Variants in PLA2G4E observed in about 807,000 individuals in gnomAD.
PLA2G4E encodes phospholipase A2 group IVE.
In PLA2G4E, 84 loss-of-function variants were observed where a neutral mutation model predicts 109.1. The ratio of observed to expected loss-of-function variants is 0.77; its 90% CI spans 0.65 to 0.92. PLA2G4E has a LOEUF of 0.92. PLA2G4E is among the 40% of genes least tolerant of loss of function. PLA2G4E has a pLI of 0.00. For missense variants in PLA2G4E, 1,057 were observed against 1,076.6 expected (o/e 0.98, Z 0.25); for synonymous variants, 469 against 436.1 (o/e 1.08, Z -0.94).
At chr15:42,033,371 CCA>C (rs1203195064) in intron 1 of PLA2G4E, among the ~76,000 whole-genome samples, 1 of 152,120 alleles carries the variant, frequency 6.6e-6, no homozygotes, top group African/African-American at 2.4e-5. Flanking sequence ...TTTTTCAGTG[CCA>C]CACTGTTGGT....
intron 13 of PLA2G4E, among the ~76,000 whole-genome samples, chr15:41,990,995 G>A (rs559450780): frequency 2.6e-5 from 4 of 152,142 alleles, no homozygotes; most frequent in South Asian, 4.2e-4. Context: ...TACAGAACCT[G>A]TGTGGAATGG....
At chr15:41,984,252 G>A (rs1396576734) in intron 19 of PLA2G4E, among the ~76,000 whole-genome samples, 184 bp downstream of exon 19, 2 of 152,192 alleles carry the variant, frequency 1.3e-5, no homozygotes, top group African/African-American at 4.8e-5. Context: ...AAGAATGGGG[G>A]ATGACACTAC....
rs1369541886 is a variant in PLA2G4E at position 42,041,035 on chromosome 15, G to C, written c.183+9486C>G. Among the ~76,000 whole-genome samples, 6 of 152,348 alleles carry C rather than the reference G, an allele frequency of 3.9e-5. No individual in the cohort carries two copies. The East Asian group carries it at 9.6e-4, about 24-fold the overall frequency. On this transcript the variant is annotated intron_variant, in intron 1 of 19. Transcript: ENST00000399518. ...AAGGATAAAAAATTGATAAGACGTA[G>C]TGTTGGTGAGGGTGTGAGGAAGAGT...
At chr15:42,028,309 A>G (rs1243938767) in intron 1 of PLA2G4E, among the ~76,000 whole-genome samples, 5 of 152,224 alleles carry the variant, frequency 3.3e-5, no homozygotes, top group Admixed American at 1.3e-4. Context: ...TTTAACCACT[A>G]TGATCCCAGG....
At chr15:41,984,119 C>A (rs890159566) in intron 19 of PLA2G4E, 145 bp from the exon 20 acceptor site, 1 of 760,332 alleles carries the variant, frequency 1.3e-6, no homozygotes, top group East Asian at 2.7e-5. Flanking sequence ...CACCCTCACA[C>A]ACGCACCTGC....
chr15:42,030,296 CTG>C (rs1401654717), intron 1 of PLA2G4E, among the ~76,000 whole-genome samples: 1 of 152,194 alleles, frequency 6.6e-6, no homozygotes, highest in Non-Finnish European at 1.5e-5. Flanking sequence ...ACTCTCAGCA[CTG>C]TGTGTGGTTA....
chr15:42,047,985 G>A (rs1254159621), intron 1 of PLA2G4E, among the ~76,000 whole-genome samples: 5 of 152,040 alleles, frequency 3.3e-5, no homozygotes, highest in Admixed American at 1.3e-4. Context: ...CCCCCCTCCC[G>A]GGCATAGATA....
At chr15:42,045,351 ATGGGG>A (rs1889395414) in intron 1 of PLA2G4E, among the ~76,000 whole-genome samples, 1 of 151,248 alleles carries the variant, frequency 6.6e-6, no homozygotes, top group Non-Finnish European at 1.5e-5. Flanking sequence ...AACCGGGAGG[ATGGGG>A]TGGGGTGGGG....
intron 1 of PLA2G4E, among the ~76,000 whole-genome samples, chr15:42,047,904 T>C (rs1595581809): frequency 6.6e-6 from 1 of 152,208 alleles, no homozygotes; most frequent in Non-Finnish European, 1.5e-5. Flanking sequence ...TAGAATATTA[T>C]TTAGCCACTA....
At chr15:41,993,708 A>T (rs1392632313) in intron 12 of PLA2G4E, among the ~76,000 whole-genome samples, 4 of 152,146 alleles carry the variant, frequency 2.6e-5, no homozygotes, top group African/African-American at 7.2e-5. Context: ...CCTCCCTGGC[A>T]GTGCAGCTAG....
intron 1 of PLA2G4E, among the ~76,000 whole-genome samples, chr15:42,017,265 A>G (rs1462211429): frequency 6.6e-6 from 1 of 152,108 alleles, no homozygotes; most frequent in Non-Finnish European, 1.5e-5. Flanking sequence ...TCTGGCAGGG[A>G]AGGCGCAGCC....
chr15:42,007,786 G>A, exon 3 of PLA2G4E: 1 of 1,612,316 alleles, frequency 6.2e-7, no homozygotes, highest in Non-Finnish European at 8.5e-7. Flanking sequence ...GATTTGGGCA[G>A]TTGGAGATGG....
intron 1 of PLA2G4E, among the ~76,000 whole-genome samples, chr15:42,029,906 G>A (rs1889083491): frequency 6.6e-6 from 1 of 152,216 alleles, no homozygotes; most frequent in Non-Finnish European, 1.5e-5. Flanking sequence ...TAAGTTGGAT[G>A]AGGCAGGAAG....
Position 41,990,321 on chromosome 15 carries a change from C to T in PLA2G4E, c.1471-86G>A, listed in dbSNP as rs886338217. 37 of 1,196,084 alleles carry T rather than the reference C, an allele frequency of 3.1e-5. 1 individual carries two copies. The East Asian group carries it at 5.5e-4, about 18-fold the overall frequency. The allele number at this position is 1,196,084 out of a possible 1,614,324, so 74.1% of individuals were successfully genotyped here. A position where few individuals can be genotyped will look rare whatever the true frequency, so the allele number is the denominator to read the frequency against. On this transcript the variant is annotated intron_variant, in intron 13 of 19. Coordinates refer to ENST00000399518, the Ensembl canonical transcript of PLA2G4E. ...AGAATGAGAAGACAATCTGGACCCC[C>T]GCAGCCACTTCCTGGCTCCTGAGCT...
chr15:42,035,817 G>A (rs921080509), intron 1 of PLA2G4E, among the ~76,000 whole-genome samples: 7 of 152,094 alleles, frequency 4.6e-5, no homozygotes, highest in South Asian at 2.1e-4. Flanking sequence ...TTTGTATATC[G>A]TATATATTGC....
chr15:42,024,207 G>A (rs2068673677), intron 1 of PLA2G4E, among the ~76,000 whole-genome samples: 1 of 152,224 alleles, frequency 6.6e-6, no homozygotes, highest in East Asian at 1.9e-4. Flanking sequence ...CAGGCAAACA[G>A]TGACATCCCC....
intron 1 of PLA2G4E, among the ~76,000 whole-genome samples, chr15:42,027,507 A>G (rs889954010): frequency 6.6e-6 from 1 of 152,118 alleles, no homozygotes; most frequent in Non-Finnish European, 1.5e-5. Flanking sequence ...CTTAACTCCT[A>G]TATTGCCTAA....
intron 1 of PLA2G4E, among the ~76,000 whole-genome samples, chr15:42,015,058 A>C (rs1350130417): frequency 6.6e-6 from 1 of 151,972 alleles, no homozygotes; most frequent in East Asian, 1.9e-4. Context: ...CTCTGCCATC[A>C]TCTCAAGCCC....
rs1248347525 is a variant in PLA2G4E, at chr15:41,999,916, C to T, written c.936+1G>A. ...GGCCCTTCCCAGACTCAGGCACTCA[C>T]CACAGGCAGGGTCATCACCTGACCA... On this transcript the variant is annotated splice_donor_variant, in intron 9 of 19. Coordinates refer to ENST00000399518, the Ensembl canonical transcript of PLA2G4E. LOFTEE classifies it high-confidence loss of function. 1.9e-6 allele frequency: 3 copies of T among 1,608,014 alleles called. No homozygotes were observed. Among genetic ancestry groups the T allele is most frequent in the Non-Finnish European group, 2.5e-6 (3 of 1,177,390 alleles).
Sources: allele counts gnomAD v4.1 joint callset (sites outside exome capture counted in the v4.1 genomes callset), GRCh38; gene constraint gnomAD v4.1.1; transcripts MANE v1.5; gene names NCBI Gene and HGNC (gene_info 2026-07-23, HGNC 2026-07-21).